Variants in ASTN2 observed in about 807,000 individuals in gnomAD.
ASTN2 encodes astrotactin-2.
In ASTN2, 54 loss-of-function variants were observed where a neutral mutation model predicts 139.8. The ratio of observed to expected loss-of-function variants is 0.39; its 90% CI spans 0.31 to 0.48. The LOEUF (loss-of-function observed/expected upper bound fraction) is 0.48. Among genes scored for constraint, ASTN2 ranks in the 20% least tolerant of loss-of-function variants. The pLI is 0.95. For synonymous variants in ASTN2, 756 were observed against 719.5 expected (o/e 1.05, Z -0.81); for missense variants, 1,565 against 1,725.1 (o/e 0.91, Z 1.64).
chr9:116,986,592 C>A (rs770927760), intron 7 of ASTN2, among the ~76,000 whole-genome samples: 16 of 152,174 alleles, frequency 1.1e-4, no homozygotes, highest in Admixed American at 3.9e-4. Context: ...GGGATAACTA[C>A]CTGCCAGGCA....
intron 20 of ASTN2, among the ~76,000 whole-genome samples, chr9:116,461,400 A>G (rs1197833280): frequency 1.3e-5 from 2 of 152,102 alleles, no homozygotes; most frequent in African/African-American, 4.8e-5. Flanking sequence ...TAAAATACAC[A>G]TATTTATATA....
At chr9:117,339,453 G>A (rs374899444) in intron 1 of ASTN2, among the ~76,000 whole-genome samples, 5 of 152,016 alleles carry the variant, frequency 3.3e-5, no homozygotes, top group East Asian at 3.9e-4. Context: ...CACACAGTCC[G>A]CTGCTGCCAC....
At chr9:117,085,858 T>G (rs1828547033) in intron 5 of ASTN2, among the ~76,000 whole-genome samples, 1 of 152,208 alleles carries the variant, frequency 6.6e-6, no homozygotes, top group Non-Finnish European at 1.5e-5. Flanking sequence ...TTACATGATT[T>G]ATCTCATTCA....
chr9:117,343,203 C>T (rs1829114148), intron 1 of ASTN2, among the ~76,000 whole-genome samples: 1 of 152,212 alleles, frequency 6.6e-6, no homozygotes, highest in African/African-American at 2.4e-5. Context: ...TGGCTTGTGG[C>T]TGCATCTGTT....
At chr9:116,751,465 G>A (rs1278093430) in intron 13 of ASTN2, among the ~76,000 whole-genome samples, 1 of 152,142 alleles carries the variant, frequency 6.6e-6, no homozygotes, top group Non-Finnish European at 1.5e-5. Context: ...TTGCTGAATT[G>A]TTGTGGAATT....
intron 4 of ASTN2, among the ~76,000 whole-genome samples, chr9:117,120,018 G>GTGTGTGTGTGTGTGTATA (rs1306397698): frequency 4.3e-5 from 2 of 45,998 alleles, no homozygotes; most frequent in African/African-American, 1.6e-4. Context: ...GTGTGTGTGT[G>GTGTGTGTGTGTGTGTATA]TATATATATA....
chr9:116,514,366 C>T (rs1472566812), intron 19 of ASTN2, among the ~76,000 whole-genome samples: 8 of 151,314 alleles, frequency 5.3e-5, no homozygotes, highest in East Asian at 1.9e-4. Context: ...CTGGAATTTT[C>T]GTCTCAGAGA....
At chr9:116,536,270 A>C (rs1411064584) in intron 19 of ASTN2, among the ~76,000 whole-genome samples, 6 of 151,490 alleles carry the variant, frequency 4.0e-5, no homozygotes, top group Admixed American at 2.6e-4. Context: ...ATCTTTTTTC[A>C]AGGTTTTTAT....
At chr9:117,344,658 C>A (rs1829161485) in intron 1 of ASTN2, among the ~76,000 whole-genome samples, 1 of 152,150 alleles carries the variant, frequency 6.6e-6, no homozygotes, top group Non-Finnish European at 1.5e-5. Flanking sequence ...CAATTCATCT[C>A]CTTACTCCTC....
chr9:116,641,884 G>C (rs1251627917), intron 17 of ASTN2, among the ~76,000 whole-genome samples: 3 of 152,000 alleles, frequency 2.0e-5, no homozygotes, highest in African/African-American at 7.2e-5. Context: ...TTGCCTGACA[G>C]TCTGATTCTT....
intron 1 of ASTN2, among the ~76,000 whole-genome samples, chr9:117,307,052 A>G (rs1425522642): frequency 6.6e-6 from 1 of 152,180 alleles, no homozygotes; most frequent in African/African-American, 2.4e-5. Context: ...ATCAGGCTAA[A>G]TGGATCATAG....
chr9:117,091,487 T>A (rs563283554), intron 5 of ASTN2, among the ~76,000 whole-genome samples: 1 of 152,246 alleles, frequency 6.6e-6, no homozygotes, highest in South Asian at 2.1e-4. Flanking sequence ...CAGCACAGCA[T>A]CTGGTATAGA....
At chr9:117,245,077 TA>T (rs939720990) in intron 2 of ASTN2, among the ~76,000 whole-genome samples, 1 of 151,320 alleles carries the variant, frequency 6.6e-6, no homozygotes, top group Non-Finnish European at 1.5e-5. Flanking sequence ...TGAACAAAAC[TA>T]AAAAAAAGAG....
chr9:117,389,610 T>G (rs931290395), intron 1 of ASTN2, among the ~76,000 whole-genome samples: 1 of 152,120 alleles, frequency 6.6e-6, no homozygotes, highest in African/African-American at 2.4e-5. Flanking sequence ...GACTTGACAC[T>G]ATGGAGGCAG....
intron 19 of ASTN2, among the ~76,000 whole-genome samples, chr9:116,564,332 A>T (rs1853074256): frequency 6.6e-6 from 1 of 152,202 alleles, no homozygotes; most frequent in Non-Finnish European, 1.5e-5. Flanking sequence ...GGATGGATAA[A>T]TGATGGCATG....
intron 19 of ASTN2, among the ~76,000 whole-genome samples, chr9:116,591,452 C>T (rs561324138): frequency 3.3e-5 from 5 of 152,358 alleles, no homozygotes; most frequent in Admixed American, 6.5e-5. Flanking sequence ...GGCATGGGAT[C>T]CAGGCTGGTA....
intron 13 of ASTN2, among the ~76,000 whole-genome samples, chr9:116,774,804 C>G (rs1033639572): frequency 2.6e-5 from 4 of 152,186 alleles, no homozygotes; most frequent in Non-Finnish European, 5.9e-5. Context: ...ATCTCATTTT[C>G]CTCACCATGA....
chr9:116,890,522 G>A (rs993674300), intron 10 of ASTN2, among the ~76,000 whole-genome samples: 2 of 152,242 alleles, frequency 1.3e-5, no homozygotes, highest in African/African-American at 4.8e-5. Context: ...CCCTAACCAC[G>A]TTTAAATAAA....
At chr9:117,044,014 T>C (rs556015145) in intron 5 of ASTN2, among the ~76,000 whole-genome samples, 77 of 151,160 alleles carry the variant, frequency 5.1e-4, no homozygotes, top group African/African-American at 1.8e-3. Flanking sequence ...ACCTAGAAAA[T>C]AGTAACACAA....
Sources: allele counts gnomAD v4.1 joint callset (sites outside exome capture counted in the v4.1 genomes callset), GRCh38; gene constraint gnomAD v4.1.1; transcripts MANE v1.5; gene names NCBI Gene and HGNC (gene_info 2026-07-23, HGNC 2026-07-21).